The following KCND2 variants were observed in gnomAD, a reference collection of about 807,000 sequenced individuals.
KCND2 encodes the protein potassium voltage-gated channel subfamily D member 2, also known as A-type voltage-gated potassium channel KCND2.
In KCND2, 16 loss-of-function variants were observed where a neutral mutation model predicts 54.4. The ratio of observed to expected loss-of-function variants is 0.29; its 90% confidence interval spans 0.20 to 0.45. The LOEUF is 0.45. Among genes scored for constraint, KCND2 ranks in the 20% least tolerant of loss-of-function variants. The probability of loss-of-function intolerance (pLI) is 1.00; values close to 1 mark genes in which losing one functional copy is unlikely to be tolerated. For synonymous variants in KCND2, 317 were observed against 310.7 expected (o/e 1.02, Z -0.21); for missense variants, 486 against 824.2 (o/e 0.59, Z 5.02).
chr7:120,687,413 C>A (rs529771366), intron 1 of KCND2, among the ~76,000 whole-genome samples: 1 of 152,262 alleles, frequency 6.6e-6, no homozygotes, highest in East Asian at 1.9e-4. Context: ...AAGGATAAAT[C>A]TCATGGTAAA....
At chr7:120,577,236 AAAT>A (rs1326544099) in intron 1 of KCND2, among the ~76,000 whole-genome samples, 1 of 152,164 alleles carries the variant, frequency 6.6e-6, no homozygotes, top group Non-Finnish European at 1.5e-5. Flanking sequence ...AAGAAAGAAA[AAAT>A]AATAATATTA....
chr7:120,658,360 G>A (rs1791827869), intron 1 of KCND2, among the ~76,000 whole-genome samples: 1 of 152,040 alleles, frequency 6.6e-6, no homozygotes, highest in Non-Finnish European at 1.5e-5. Context: ...AAACAGATTC[G>A]TTATTTCATT....
intron 1 of KCND2, among the ~76,000 whole-genome samples, chr7:120,437,779 T>C (rs1584778870): frequency 6.6e-6 from 1 of 152,204 alleles, no homozygotes; most frequent in Non-Finnish European, 1.5e-5. Flanking sequence ...GTAGTAACCA[T>C]TTGAAAAAAC....
At position 120,737,079 on chromosome 7, in the gene KCND2, CA is replaced by C. The variant is rs1173701435; in HGVS notation, c.1278+4028del. 9.0e-3 allele frequency among the ~76,000 whole-genome samples: 743 copies of C among 82,450 alleles called. 6 individuals carry two copies. Among genetic ancestry groups the C allele is most frequent in the East Asian group, 0.051 (168 of 3,320 alleles). The allele number at this position is 82,450 out of a possible 152,430, so 54.1% of individuals were successfully genotyped here. On this transcript the variant is annotated intron_variant, in intron 2 of 5. Transcript: ENST00000331113. ...ACACACACACACACACACACACAAA[CA>C]AAAAAAAAAAAAACAAAACAAAAAA...
intron 1 of KCND2, among the ~76,000 whole-genome samples, chr7:120,453,394 G>A (rs1215009588): frequency 6.6e-6 from 1 of 152,152 alleles, no homozygotes; most frequent in East Asian, 1.9e-4. Flanking sequence ...ACCAGCTCAT[G>A]ACACTGGTGG....
At chr7:120,401,809 A>G (rs1205941355) in intron 1 of KCND2, among the ~76,000 whole-genome samples, 1 of 152,020 alleles carries the variant, frequency 6.6e-6, no homozygotes, top group African/African-American at 2.4e-5. Flanking sequence ...GTTTTCCATC[A>G]ATTTTGAGTC....
chr7:120,496,869 G>T (rs1802855656), intron 1 of KCND2, among the ~76,000 whole-genome samples: 3 of 152,120 alleles, frequency 2.0e-5, no homozygotes. Context: ...GCTTTCCCAA[G>T]AGTTGGAATT....
At chr7:120,306,557 A>T (rs1177652983) in intron 1 of KCND2, among the ~76,000 whole-genome samples, 1 of 152,076 alleles carries the variant, frequency 6.6e-6, no homozygotes, top group African/African-American at 2.4e-5. Context: ...AATTAGTGAT[A>T]TTTCTTCTTA....
At chr7:120,414,131 C>CT (rs1048835427) in intron 1 of KCND2, among the ~76,000 whole-genome samples, 1 of 151,844 alleles carries the variant, frequency 6.6e-6, no homozygotes, top group African/African-American at 2.4e-5. Context: ...ATTATTGATG[C>CT]TTTTTTCATT....
At chr7:120,566,148 C>T (rs1262548428) in intron 1 of KCND2, among the ~76,000 whole-genome samples, 1 of 152,104 alleles carries the variant, frequency 6.6e-6, no homozygotes, top group Non-Finnish European at 1.5e-5. Context: ...AACTCTGCCA[C>T]ATTGGCATTA....
chr7:120,361,835 G>T (rs1296024525), intron 1 of KCND2, among the ~76,000 whole-genome samples: 1 of 152,014 alleles, frequency 6.6e-6, no homozygotes, highest in African/African-American at 2.4e-5. Flanking sequence ...AAAGTTTATT[G>T]TAAAGCTAAA....
intron 1 of KCND2, among the ~76,000 whole-genome samples, chr7:120,405,736 G>A (rs1801342846): frequency 6.6e-6 from 1 of 151,996 alleles, no homozygotes; most frequent in Non-Finnish European, 1.5e-5. Flanking sequence ...GGTGGTTACT[G>A]AACTACTTGT....
intron 1 of KCND2, among the ~76,000 whole-genome samples, chr7:120,683,564 TTAAG>T (rs1792166074): frequency 1.3e-5 from 2 of 152,282 alleles, no homozygotes; most frequent in East Asian, 1.9e-4. Context: ...TTTAAATTAT[TTAAG>T]TAATAGCATA....
At chr7:120,697,973 C>T (rs1792351726) in intron 1 of KCND2, among the ~76,000 whole-genome samples, 1 of 148,368 alleles carries the variant, frequency 6.7e-6, no homozygotes, top group Admixed American at 6.7e-5. Context: ...TTTATATTAA[C>T]TGTAACCCTC....
intron 1 of KCND2, among the ~76,000 whole-genome samples, chr7:120,669,700 G>A (rs1418331334): frequency 1.3e-5 from 2 of 152,072 alleles, no homozygotes; most frequent in Non-Finnish European, 2.9e-5. Context: ...TCTCACTGGT[G>A]GCTTCCATGA....
chr7:120,355,414 G>A (rs773545292), intron 1 of KCND2, among the ~76,000 whole-genome samples: 2 of 152,116 alleles, frequency 1.3e-5, no homozygotes, highest in East Asian at 1.9e-4. Context: ...GGGCGTGCTG[G>A]TGTGTGCCTG....
At chr7:120,591,993 C>T (rs1792678033) in intron 1 of KCND2, among the ~76,000 whole-genome samples, 1 of 152,142 alleles carries the variant, frequency 6.6e-6, no homozygotes, top group Non-Finnish European at 1.5e-5. Flanking sequence ...TAATGAGATT[C>T]TAGGCGCTGA....
In KCND2 at chr7:120,397,949, A is replaced by C. The variant is rs1801177968; in HGVS notation, c.1115+122202A>C. On this transcript the variant is annotated intron_variant, in intron 1 of 5. Coordinates refer to ENST00000331113, the MANE Select transcript of KCND2 (RefSeq NM_012281.3). ...CAATTTTGAAAAAAAGTACATATAC[A>C]TAACTATATGTGTGTGTATATAAGT... 3.4e-5 allele frequency among the ~76,000 whole-genome samples: 5 copies of C among 148,536 alleles called. No individual in the cohort carries two copies. The Admixed American group carries it at 3.4e-4, about 10-fold the overall frequency.
intron 1 of KCND2, among the ~76,000 whole-genome samples, chr7:120,458,223 C>T (rs1461581704): frequency 2.0e-5 from 3 of 152,082 alleles, no homozygotes; most frequent in East Asian, 1.9e-4. Context: ...ATTAAGTGTC[C>T]GTGCATCTTA....
Sources: gnomAD v4.1 joint callset for allele counts (sites outside exome capture counted in the v4.1 genomes callset) on GRCh38, gnomAD v4.1.1 for gene constraint, MANE v1.5 for transcripts, NCBI Gene and HGNC (gene_info 2026-07-23, HGNC 2026-07-21) for gene names.